The following ROBO1 variants were observed in gnomAD, a reference collection of about 807,000 sequenced individuals.
ROBO1 encodes the protein roundabout guidance receptor 1, also known as roundabout homolog 1.
ROBO1 carries 149 observed loss-of-function variants against 195.9 expected under a neutral mutation model. That is an observed-to-expected ratio of 0.76 (90% CI 0.67 to 0.87). The LOEUF (loss-of-function observed/expected upper bound fraction) is 0.87. Among genes scored for constraint, ROBO1 ranks in the 40% least tolerant of loss-of-function variants. The probability of loss-of-function intolerance (pLI) is 0.00; values close to 1 mark genes in which losing one functional copy is unlikely to be tolerated. For synonymous variants in ROBO1, 816 were observed against 733.2 expected, an observed-to-expected ratio of 1.11 and a Z score of -1.82; for missense variants, 1,933 against 2,068.3, an observed-to-expected ratio of 0.93 and a Z score of 1.27.
chr3:79,421,062 T>A (rs1232412275), intron 2 of ROBO1, among the ~76,000 whole-genome samples: 1 of 152,068 alleles, frequency 6.6e-6, no homozygotes, highest in Non-Finnish European at 1.5e-5. Context: ...ATAGAGAATG[T>A]CCTTTGCAAC....
intron 19 of ROBO1, among the ~76,000 whole-genome samples, chr3:78,650,178 A>C (rs1301297154): frequency 1.3e-5 from 2 of 152,078 alleles, no homozygotes; most frequent in African/African-American, 4.8e-5. Flanking sequence ...GTCTACAATT[A>C]TTTTCAGTCA....
intron 2 of ROBO1, among the ~76,000 whole-genome samples, chr3:79,348,475 T>C (rs1280139053): frequency 6.6e-6 from 1 of 152,150 alleles, no homozygotes. Context: ...GTTCACAGTA[T>C]TTTTTGAGGG....
chr3:79,228,284 A>T (rs1309361845), intron 2 of ROBO1, among the ~76,000 whole-genome samples: 1 of 152,220 alleles, frequency 6.6e-6, no homozygotes, highest in East Asian at 1.9e-4. Flanking sequence ...GCATGTAGTT[A>T]TAGTTTTTCT....
chr3:79,054,206 T>C (rs986833858), intron 3 of ROBO1, among the ~76,000 whole-genome samples: 5 of 152,104 alleles, frequency 3.3e-5, no homozygotes, highest in African/African-American at 1.2e-4. Context: ...AATTAAACTT[T>C]GATGCTCTTA....
chr3:78,667,300 T>C (rs1339341956), intron 14 of ROBO1, among the ~76,000 whole-genome samples: 2 of 152,144 alleles, frequency 1.3e-5, no homozygotes, highest in African/African-American at 4.8e-5. Context: ...CTAACAGGTG[T>C]ATATATTTAT....
At chr3:79,563,903 T>C (rs555436582) in intron 2 of ROBO1, among the ~76,000 whole-genome samples, 21 of 152,180 alleles carry the variant, frequency 1.4e-4, no homozygotes, top group African/African-American at 4.3e-4. Context: ...TACATTTATT[T>C]TGATATAACA....
At chr3:78,980,469 A>C (rs543755636) in intron 3 of ROBO1, among the ~76,000 whole-genome samples, 1 of 152,376 alleles carries the variant, frequency 6.6e-6, no homozygotes, top group South Asian at 2.1e-4. Flanking sequence ...ACACAAGGTT[A>C]CCATTTTAAT....
Position 79,016,737 on chromosome 3 carries a change from A to G in ROBO1, c.173-77810T>C, listed in dbSNP as rs536621879. Among the ~76,000 whole-genome samples, 4 of 152,330 alleles carry G rather than the reference A, an allele frequency of 2.6e-5. No homozygotes were observed. In the East Asian group the frequency reaches 7.7e-4, roughly 29 times the overall value. ...AATGACCATTAATCCCCCTATCTTC[A>G]GTAATCTGCCCCTCCAGTCATTTAT... On this transcript the variant is annotated intron_variant, in intron 3 of 30. Coordinates refer to ENST00000464233, the MANE Select transcript of ROBO1 (RefSeq NM_002941.4).
chr3:79,145,360 TACACACACACATACAC>T (rs1164836248), intron 2 of ROBO1, among the ~76,000 whole-genome samples: 1,900 of 22,078 alleles, frequency 0.086, 35 homozygotes, highest in Non-Finnish European at 0.095. Flanking sequence ...ATGCCAGAAA[TACACACACACATACAC>T]ACACACACAC....
chr3:78,812,705 T>C (rs969903591), intron 4 of ROBO1, among the ~76,000 whole-genome samples: 10 of 152,104 alleles, frequency 6.6e-5, no homozygotes, highest in African/African-American at 2.2e-4. Context: ...CTTTGTTCTT[T>C]TGTCACCCCA....
At chr3:79,272,506 C>T (rs551603649) in intron 2 of ROBO1, among the ~76,000 whole-genome samples, 1 of 152,134 alleles carries the variant, frequency 6.6e-6, no homozygotes, top group African/African-American at 2.4e-5. Flanking sequence ...AGGAAAGAGG[C>T]ACTGAAGAGG....
chr3:79,061,473 ACTTT>A (rs2078915936), intron 3 of ROBO1, among the ~76,000 whole-genome samples: 1 of 152,282 alleles, frequency 6.6e-6, no homozygotes, highest in Admixed American at 6.5e-5. Context: ...GCTACCAATG[ACTTT>A]CTTCACAGAA....
At chr3:78,939,084 G>C (rs946679013) in intron 3 of ROBO1, among the ~76,000 whole-genome samples, 157 bp from the exon 4 acceptor site, 1 of 152,066 alleles carries the variant, frequency 6.6e-6, no homozygotes, top group Non-Finnish European at 1.5e-5. Flanking sequence ...TGTCCGCCTT[G>C]ACTACACCTT....
chr3:78,766,755 C>T (rs1003086792), intron 4 of ROBO1, among the ~76,000 whole-genome samples: 5 of 152,092 alleles, frequency 3.3e-5, no homozygotes, highest in Non-Finnish European at 5.9e-5. Context: ...GCTGTGGGTT[C>T]GTCATAGATG....
At chr3:78,877,201 T>C (rs1463568497) in intron 4 of ROBO1, among the ~76,000 whole-genome samples, 4 of 152,154 alleles carry the variant, frequency 2.6e-5, no homozygotes, top group African/African-American at 9.6e-5. Context: ...GACATACATA[T>C]AATATCCACA....
At chr3:78,662,202 G>T in intron 14 of ROBO1, 88 bp from the exon 15 acceptor site, 1 of 1,181,720 alleles carries the variant, frequency 8.5e-7, no homozygotes, top group Non-Finnish European at 1.2e-6. Context: ...TTCATTCATA[G>T]CAACTCTCAG....
intron 5 of ROBO1, among the ~76,000 whole-genome samples, chr3:78,740,875 T>C (rs953768954): frequency 2.6e-5 from 4 of 152,170 alleles, no homozygotes; most frequent in African/African-American, 7.2e-5. Flanking sequence ...ATATCATATA[T>C]ACTATGAACA....
intron 2 of ROBO1, among the ~76,000 whole-genome samples, chr3:79,445,839 A>C (rs1180972637): frequency 6.6e-6 from 1 of 151,898 alleles, no homozygotes; most frequent in Non-Finnish European, 1.5e-5. Flanking sequence ...TTTTTAGTAC[A>C]GACGGTGTTT....
intron 2 of ROBO1, among the ~76,000 whole-genome samples, chr3:79,314,509 T>A (rs1371053894): frequency 1.3e-5 from 2 of 152,234 alleles, no homozygotes; most frequent in Admixed American, 6.5e-5. Context: ...CCTTCTGCCA[T>A]GATTATGTTT....
Sources: gnomAD v4.1 joint callset for allele counts (sites outside exome capture counted in the v4.1 genomes callset) on GRCh38, gnomAD v4.1.1 for gene constraint, MANE v1.5 for transcripts, NCBI Gene and HGNC (gene_info 2026-07-23, HGNC 2026-07-21) for gene names.